Variants in GPR137C observed in about 807,000 individuals in gnomAD.
GPR137C encodes G protein-coupled receptor 137C.
A neutral mutation model predicts 43.4 loss-of-function variants in GPR137C; 27 were observed. That is an observed-to-expected ratio of 0.62 (90% CI 0.46 to 0.86). GPR137C has a LOEUF of 0.86. Among genes scored for constraint, GPR137C ranks in the 40% least tolerant of loss-of-function variants. The pLI, the probability that GPR137C is intolerant of heterozygous loss-of-function variation, is 0.00. For missense variants in GPR137C, 522 were observed against 534.6 expected (o/e 0.98, Z 0.23); for synonymous variants, 285 against 226.9 (o/e 1.26, Z -2.30).
intron 1 of GPR137C, among the ~76,000 whole-genome samples, chr14:52,586,439 A>AATTAAATG (rs2139496210): frequency 6.6e-6 from 1 of 152,344 alleles, no homozygotes; most frequent in Non-Finnish European, 1.5e-5. Flanking sequence ...GTGACATACC[A>AATTAAATG]GTCACTCAAT....
chr14:52,597,132 C>T (rs966583764), intron 1 of GPR137C: 10 of 370,942 alleles, frequency 2.7e-5, no homozygotes, highest in African/African-American at 1.9e-4. Flanking sequence ...TAAGTTGGCT[C>T]AAATATTATG....
intron 3 of GPR137C, among the ~76,000 whole-genome samples, chr14:52,601,258 A>T (rs1308821223): frequency 6.6e-6 from 1 of 152,164 alleles, no homozygotes; most frequent in Non-Finnish European, 1.5e-5. Context: ...TTAATTTGAC[A>T]TCATTGCCTA....
Position 52,553,191 on chromosome 14 carries a change from CAGCCGGCCGCGA to C in GPR137C, c.45_56del (p.Ala16_Glu19del). 1 of 1,207,588 alleles carries C rather than the reference CAGCCGGCCGCGA, an allele frequency of 8.3e-7. No homozygotes were observed. The highest frequency in any genetic ancestry group is 1.0e-6 in the Non-Finnish European group (1 of 973,478). 74.8% of individuals were successfully genotyped at this position (1,207,588 alleles called of 1,614,324 possible). On this transcript the variant is annotated inframe_deletion, in exon 1 of 7. Coordinates refer to ENST00000321662, the MANE Select transcript of GPR137C (RefSeq NM_001099652.2). ...GGTCCGGCGGCCGCTGCCGCCCCCG[CAGCCGGCCGCGA>C]GCCCTCCACGCCCGGCGGGGGCAGC... is the stretch of plus-strand genomic sequence containing the variant.
At chr14:52,626,637 CAAG>C (rs2039230586) in intron 3 of GPR137C, among the ~76,000 whole-genome samples, 1 of 151,862 alleles carries the variant, frequency 6.6e-6, no homozygotes, top group Non-Finnish European at 1.5e-5. Context: ...TCCAATAAGA[CAAG>C]AAAAAGATAC....
intron 3 of GPR137C, among the ~76,000 whole-genome samples, chr14:52,605,079 C>G (rs908675910): frequency 6.6e-6 from 1 of 152,126 alleles, no homozygotes; most frequent in African/African-American, 2.4e-5. Flanking sequence ...GACTTTTCTT[C>G]TATTTCTTTG....
chr14:52,624,535 G>C (rs575856745), intron 3 of GPR137C, among the ~76,000 whole-genome samples: 25 of 151,444 alleles, frequency 1.7e-4, no homozygotes, highest in Admixed American at 4.6e-4. Context: ...AGCAGCCTGA[G>C]CAATATGATG....
intron 3 of GPR137C, among the ~76,000 whole-genome samples, chr14:52,610,546 T>A (rs1372567016): frequency 6.6e-6 from 1 of 152,234 alleles, no homozygotes. Context: ...TATGCCTGAT[T>A]TATAAATTAA....
intron 1 of GPR137C, among the ~76,000 whole-genome samples, chr14:52,563,780 C>T (rs931740453): frequency 6.6e-6 from 1 of 152,226 alleles, no homozygotes; most frequent in African/African-American, 2.4e-5. Flanking sequence ...CGCACATTCA[C>T]TGCATCACCA....
At chr14:52,623,615 A>G (rs2039185444) in intron 3 of GPR137C, among the ~76,000 whole-genome samples, 2 of 152,238 alleles carry the variant, frequency 1.3e-5, no homozygotes, top group East Asian at 3.8e-4. Flanking sequence ...GTTCTGTTAC[A>G]GAAGACACAA....
intron 1 of GPR137C, among the ~76,000 whole-genome samples, chr14:52,573,511 G>A (rs985248936): frequency 6.6e-5 from 10 of 152,172 alleles, no homozygotes; most frequent in African/African-American, 2.4e-4. Flanking sequence ...GGGAAAACTG[G>A]CTAGCCATAT....
rs371083935 is a variant in GPR137C at position 52,590,789 on chromosome 14, T to G, written c.445-7483T>G. On this transcript the variant is annotated intron_variant, in intron 1 of 6. Transcript: ENST00000321662. ...ACCATCTAGGTTTGTGTAAATATAC[T>G]CTGTAATGTTCACACACTGACACAT... Among the ~76,000 whole-genome samples, 33 of 152,286 alleles carry G rather than the reference T, an allele frequency of 2.2e-4. No individual in the cohort carries two copies. In the East Asian group the frequency reaches 5.6e-3, roughly 26 times the overall value.
chr14:52,631,908 C>G (rs2039298149), intron 3 of GPR137C, among the ~76,000 whole-genome samples: 1 of 151,012 alleles, frequency 6.6e-6, no homozygotes, highest in Non-Finnish European at 1.5e-5. Context: ...ACAAGGCAAC[C>G]TTGGCAGAAC....
At chr14:52,612,048 G>A in intron 3 of GPR137C, 3 of 985,192 alleles carry the variant, frequency 3.0e-6, no homozygotes, top group Non-Finnish European at 3.6e-6. Flanking sequence ...GTTTTTCACT[G>A]TTATTTGTCT....
In GPR137C at chr14:52,636,795, T is replaced by C. The variant is rs1257660262; in HGVS notation, c.*1680T>C. On this transcript the variant is annotated 3_prime_UTR_variant, in exon 7 of 7. Transcript: ENST00000321662. ...TTGGGTTTGTTTATAATTCTCTCAT[T>C]GTAACCAAATTATTTTAAAATGTAT... 1 of 152,168 alleles carries C rather than the reference T, an allele frequency of 6.6e-6. No individual in the cohort carries two copies. The highest frequency in any genetic ancestry group is 1.5e-5 in the Non-Finnish European group (1 of 68,002). 9.4% of individuals were successfully genotyped at this position (152,168 alleles called of 1,614,324 possible).
chr14:52,568,093 ACTGAGGTAC>A (rs1295829250), intron 1 of GPR137C, among the ~76,000 whole-genome samples: 1 of 152,036 alleles, frequency 6.6e-6, no homozygotes, highest in African/African-American at 2.4e-5. Flanking sequence ...TGCATTTCCA[ACTGAGGTAC>A]CTGGCTCATC....
At chr14:52,563,967 C>T (rs2038326239) in intron 1 of GPR137C, among the ~76,000 whole-genome samples, 1 of 151,970 alleles carries the variant, frequency 6.6e-6, no homozygotes, top group Admixed American at 6.6e-5. Flanking sequence ...TTTTTTGGAA[C>T]AAAAATCTAT....
chr14:52,557,209 G>C (rs780943635), intron 1 of GPR137C, among the ~76,000 whole-genome samples: 7 of 152,256 alleles, frequency 4.6e-5, no homozygotes, highest in African/African-American at 7.2e-5. Context: ...CTAGAACAAT[G>C]ATGATTATAT....
chr14:52,595,614 A>G (rs572095961), intron 1 of GPR137C, among the ~76,000 whole-genome samples: 5 of 152,164 alleles, frequency 3.3e-5, no homozygotes, highest in Middle Eastern at 3.4e-3. Flanking sequence ...TGAATCGGCT[A>G]TTGAAGCTTG....
intron 1 of GPR137C, among the ~76,000 whole-genome samples, chr14:52,558,256 G>A (rs916801194): frequency 6.6e-6 from 1 of 152,158 alleles, no homozygotes; most frequent in African/African-American, 2.4e-5. Flanking sequence ...TGCAGGCTGT[G>A]CCTTGCAGTG....
Sources: gnomAD v4.1 joint callset for allele counts (sites outside exome capture counted in the v4.1 genomes callset) on GRCh38, gnomAD v4.1.1 for gene constraint, MANE v1.5 for transcripts, NCBI Gene and HGNC (gene_info 2026-07-23, HGNC 2026-07-21) for gene names.